Variants in HCFC2 observed in about 807,000 individuals in gnomAD.
The protein encoded by HCFC2 is host cell factor C2, also known as host cell factor 2.
HCFC2 carries 18 observed loss-of-function variants against 89.2 expected under a neutral mutation model. The observed-to-expected ratio is 0.20, with a 90% CI of 0.14 to 0.30. The LOEUF (loss-of-function observed/expected upper bound fraction) is 0.30. Among genes scored for constraint, HCFC2 ranks in the 10% least tolerant of loss-of-function variants. The pLI, the probability that HCFC2 is intolerant of heterozygous loss-of-function variation, is 1.00. For missense variants in HCFC2, 578 were observed against 956.1 expected (o/e 0.60, Z 5.21); for synonymous variants, 308 against 335.7 (o/e 0.92, Z 0.90).
chr12:104,069,352 T>C (rs920992906), intron 3 of HCFC2, among the ~76,000 whole-genome samples: 1 of 151,998 alleles, frequency 6.6e-6, no homozygotes, highest in African/African-American at 2.4e-5. Context: ...TACAATGCAT[T>C]ATTATTAACT....
Position 104,080,785 on chromosome 12 carries a change from T to C in HCFC2, c.722T>C (p.Val241Ala). Residue 241 changes from valine to alanine, a missense_variant, in exon 5 of 15, where the codon GTG becomes GCG. Transcript: ENST00000229330. ...SWSKPETKGT[V>A]PLPRSLHTAS... ...TCAAAACCAGAAACTAAAGGGACAG[T>C]GCCACTTCCACGAAGCCTTCATACA... is the stretch of plus-strand genomic sequence containing the variant. 1 of 1,610,644 alleles carries C rather than the reference T, an allele frequency of 6.2e-7. No homozygotes were observed. Among genetic ancestry groups the C allele is most frequent in the Middle Eastern group, 1.7e-4 (1 of 6,046 alleles).
At position 104,064,928 on chromosome 12, in the gene HCFC2, C is replaced by A; in HGVS notation, c.163+205C>A. Reference sequence around the variant, plus strand: ...CTCAGGATCTCCGGGGCCCTTGGGGCGCAACGGACCCCGAGCGGGGCGCAC... The same window carrying A: ...CTCAGGATCTCCGGGGCCCTTGGGGAGCAACGGACCCCGAGCGGGGCGCAC... On this transcript the variant is annotated intron_variant, in intron 1 of 14. Coordinates refer to ENST00000229330, the MANE Select transcript of HCFC2 (RefSeq NM_013320.3). The surrounding 1 kb of genome is among the most constrained non-coding windows in gnomAD (Gnocchi z 7.3). The A allele has an allele frequency of 2.4e-6, 1 of 420,956 alleles. No individual in the cohort carries two copies. The highest frequency in any genetic ancestry group is 4.6e-5 in the Admixed American group (1 of 21,970). 26.1% of individuals were successfully genotyped at this position (420,956 alleles called of 1,614,324 possible). A position where few individuals can be genotyped will look rare whatever the true frequency, so the allele number is the denominator to read the frequency against.
At chr12:104,078,760 G>T (rs889202731) in intron 3 of HCFC2, among the ~76,000 whole-genome samples, 18 of 152,156 alleles carry the variant, frequency 1.2e-4, no homozygotes, top group Non-Finnish European at 2.4e-4. Context: ...TATGTTCATG[G>T]ATTCTGTGGG....
In HCFC2 at chr12:104,076,432, G is replaced by A. The variant is rs1015182513; in HGVS notation, c.474-3013G>A. Among the ~76,000 whole-genome samples the A allele has an allele frequency of 4.7e-5, 6 of 126,742 alleles. 1 individual carries two copies. Among genetic ancestry groups the A allele is most frequent in the Admixed American group, 2.4e-4 (3 of 12,512 alleles). The allele number at this position is 126,742 out of a possible 152,430, so 83.1% of individuals were successfully genotyped here. On this transcript the variant is annotated intron_variant, in intron 3 of 14. Transcript: ENST00000229330. ...AACTTGTGTACATCGTTTTGTTGCA[G>A]ATTGTCTTTTGTAAATGGGGCTAAT...
At chr12:104,088,852 T>G (rs949986227) in intron 9 of HCFC2, among the ~76,000 whole-genome samples, 2 of 152,220 alleles carry the variant, frequency 1.3e-5, no homozygotes, top group African/African-American at 4.8e-5. Flanking sequence ...TATATGTGTA[T>G]GTGTGTGTAT....
intron 3 of HCFC2, among the ~76,000 whole-genome samples, chr12:104,072,576 T>C (rs1281683484): frequency 6.6e-6 from 1 of 152,112 alleles, no homozygotes; most frequent in Non-Finnish European, 1.5e-5. Context: ...TATGTGTTGC[T>C]CTTTCTAATT....
rs142693079 is a variant in HCFC2, at chr12:104,066,772, T to C, written c.312+457T>C. 4.4e-3 allele frequency among the ~76,000 whole-genome samples: 667 copies of C among 152,288 alleles called. 4 individuals carry two copies. Among genetic ancestry groups the C allele is most frequent in the African/African-American group, 0.015 (644 of 41,558 alleles). On this transcript the variant is annotated intron_variant, in intron 2 of 14. Transcript: ENST00000229330. Reference sequence around the variant, plus strand: ...ATGAGCATTTGCATTTCTACCAGGTTCCCAGCTGCTGATGCTCCTGGTTTG... The same window carrying C: ...ATGAGCATTTGCATTTCTACCAGGTCCCCAGCTGCTGATGCTCCTGGTTTG...
intron 13 of HCFC2, among the ~76,000 whole-genome samples, chr12:104,100,139 A>C (rs904540124): frequency 6.6e-6 from 1 of 152,162 alleles, no homozygotes; most frequent in African/African-American, 2.4e-5. Flanking sequence ...CTGATATGCT[A>C]TTAAATACAA....
At chr12:104,077,157 A>T (rs956183605) in intron 3 of HCFC2, among the ~76,000 whole-genome samples, 3 of 152,046 alleles carry the variant, frequency 2.0e-5, no homozygotes, top group African/African-American at 7.2e-5. Context: ...AACGTGTACT[A>T]AACTTTTTAA....
At chr12:104,099,541 C>T (rs187305793) in intron 13 of HCFC2, among the ~76,000 whole-genome samples, 6 of 151,658 alleles carry the variant, frequency 4.0e-5, no homozygotes, top group African/African-American at 1.2e-4. Flanking sequence ...TTTGAGACTG[C>T]AGTGCAGTAT....
At chr12:104,081,482 CATT>C (rs1251219778) in intron 5 of HCFC2, among the ~76,000 whole-genome samples, 1 of 151,956 alleles carries the variant, frequency 6.6e-6, no homozygotes, top group Non-Finnish European at 1.5e-5. Flanking sequence ...ATTTGTGCAA[CATT>C]GTGCCACAAT....
intron 12 of HCFC2, chr12:104,098,026 G>A (rs1251443527): frequency 9.9e-6 from 2 of 203,032 alleles, no homozygotes; most frequent in African/African-American, 4.6e-5. Context: ...TTCTGAGAGA[G>A]TCTCTGAAAT....
At chr12:104,091,155 T>G (rs1884011848) in intron 9 of HCFC2, among the ~76,000 whole-genome samples, 1 of 152,244 alleles carries the variant, frequency 6.6e-6, no homozygotes, top group Non-Finnish European at 1.5e-5. Context: ...ATCCTCATAC[T>G]TGTATCACTT....
intron 13 of HCFC2, 137 bp downstream of exon 13, chr12:104,098,617 A>T: frequency 1.2e-6 from 1 of 821,244 alleles, no homozygotes; most frequent in Non-Finnish European, 1.9e-6. Context: ...GGTCACTTGA[A>T]TGAGTAAAAT....
At position 104,101,360 on chromosome 12, in the gene HCFC2, C is replaced by T. The variant is rs955977179; in HGVS notation, c.1879-608C>T. On this transcript the variant is annotated intron_variant, in intron 13 of 14. Coordinates refer to ENST00000229330, the MANE Select transcript of HCFC2 (RefSeq NM_013320.3). The stretch of plus-strand genomic sequence containing the variant: ...ATTAGTTGGGTGTGGTGGCAGGCAT[C>T]GGTAATCTCAGCTACTCGGGAGGCT... 6.5e-4 allele frequency among the ~76,000 whole-genome samples: 98 copies of T among 151,860 alleles called. 1 individual carries two copies. Among genetic ancestry groups the T allele is most frequent in the African/African-American group, 2.3e-3 (94 of 41,342 alleles).
At chr12:104,073,818 C>G (rs1471970520) in intron 3 of HCFC2, among the ~76,000 whole-genome samples, 1 of 152,126 alleles carries the variant, frequency 6.6e-6, no homozygotes, top group Non-Finnish European at 1.5e-5. Flanking sequence ...GCTTTCTATA[C>G]CAGGGGTTGC....
intron 3 of HCFC2, among the ~76,000 whole-genome samples, chr12:104,071,378 A>T (rs938864275): frequency 1.3e-5 from 2 of 152,204 alleles, no homozygotes; most frequent in African/African-American, 2.4e-5. Context: ...TCTACTTCAG[A>T]GGGCCAGTAG....
rs143680153 is a variant in HCFC2 at position 104,095,623 on chromosome 12, C to T, written c.1666+60C>T. 1.4e-3 allele frequency: 1,923 copies of T among 1,334,774 alleles called. 37 individuals carry two copies. In the South Asian group the frequency reaches 0.023, roughly 16 times the overall value. The allele number at this position is 1,334,774 out of a possible 1,614,324, so 82.7% of individuals were successfully genotyped here. ...CATTTATGTATATAAATTCATCAAA[C>T]TTACTTGTCTTAGATGGGAGTTGCA... On this transcript the variant is annotated intron_variant, in intron 11 of 14. Coordinates refer to ENST00000229330, the MANE Select transcript of HCFC2 (RefSeq NM_013320.3). This position sits in a 1 kb window ranked among gnomAD's most constrained non-coding sequence, Gnocchi z 4.2.
intron 13 of HCFC2, among the ~76,000 whole-genome samples, chr12:104,098,949 G>A (rs1310617256): frequency 1.3e-5 from 2 of 151,816 alleles, no homozygotes; most frequent in South Asian, 2.1e-4. Context: ...GCAGTGAGCC[G>A]AGATGGTGCC....
Sources: allele counts gnomAD v4.1 joint callset (sites outside exome capture counted in the v4.1 genomes callset), GRCh38; gene constraint gnomAD v4.1.1; non-coding constraint Gnocchi (gnomAD v3.1); transcripts MANE v1.5; gene names NCBI Gene and HGNC (gene_info 2026-07-23, HGNC 2026-07-21).